Variants in NLRP1 observed in about 807,000 individuals in gnomAD.
NLRP1 encodes the protein NLR family pyrin domain containing 1.
A neutral mutation model predicts 136.7 loss-of-function variants in NLRP1; 94 were observed. The ratio of observed to expected loss-of-function variants is 0.69; its 90% CI spans 0.58 to 0.82. The LOEUF (loss-of-function observed/expected upper bound fraction) is 0.82, where lower values mean the gene tolerates loss of function less well. Among genes scored for constraint, NLRP1 ranks in the 40% least tolerant of loss-of-function variants. The pLI, the probability that NLRP1 is intolerant of heterozygous loss-of-function variation, is 0.00. For missense variants in NLRP1, 1,575 were observed against 1,802.7 expected, an observed-to-expected ratio of 0.87 and a Z score of 2.29; for synonymous variants, 690 against 725.1, an observed-to-expected ratio of 0.95 and a Z score of 0.78.
In NLRP1 at chr17:5,558,901, C is replaced by T. The variant is rs1379155100; in HGVS notation, c.1795G>A (p.Ala599Thr). Residue 599 changes from alanine (A) to threonine (T), a missense_variant, in exon 4 of 17, where the codon GCC (alanine) becomes ACC (threonine). Ala to Thr is a moderately conservative substitution (Grantham distance 58, BLOSUM62 0). Coordinates refer to ENST00000572272, the MANE Select transcript of NLRP1 (RefSeq NM_033004.4). ...ATCTTCAAGAAGGTGGAGATGATGG[C>T]CCCATCTAACCCATGCTTCCTGAGG... ...DDLRKHGLDG[A>T]IISTFLKMGI... is the part of the protein sequence containing the mutation. 2 of 1,614,128 alleles carry T rather than the reference C, an allele frequency of 1.2e-6. No homozygotes were observed. Among genetic ancestry groups the T allele is most frequent in the Admixed American group, 1.7e-5 (1 of 60,016 alleles).
chr17:5,507,157 C>T (rs1179030515), intron 15 of NLRP1, among the ~76,000 whole-genome samples: 1 of 151,974 alleles, frequency 6.6e-6, no homozygotes, highest in Non-Finnish European at 1.5e-5. Context: ...TGAAAAAATT[C>T]TGGAGATGGA....
chr17:5,518,837 C>A (rs1908484696), intron 14 of NLRP1, among the ~76,000 whole-genome samples: 2 of 144,320 alleles, frequency 1.4e-5, no homozygotes. Context: ...ACCACAACAG[C>A]ATTTTTTTTT....
chr17:5,561,918 G>A (rs948046452), intron 3 of NLRP1, among the ~76,000 whole-genome samples: 1 of 152,168 alleles, frequency 6.6e-6, no homozygotes, highest in Non-Finnish European at 1.5e-5. Context: ...GCAAACTCCC[G>A]GTTCCCCGAG....
chr17:5,508,114 A>ACACTC (rs1484336103), intron 15 of NLRP1, among the ~76,000 whole-genome samples: 1 of 151,040 alleles, frequency 6.6e-6, no homozygotes, highest in Non-Finnish European at 1.5e-5. Flanking sequence ...AGCCTGGGGG[A>ACACTC]CAGAGCGAGA....
chr17:5,540,699 C>T (rs1911758589), intron 6 of NLRP1, among the ~76,000 whole-genome samples: 1 of 152,174 alleles, frequency 6.6e-6, no homozygotes, highest in Non-Finnish European at 1.5e-5. Context: ...TTACCGACTT[C>T]CTAGCCGACC....
chr17:5,523,059 G>A lies in NLRP1; in HGVS notation c.3521-1273C>T, dbSNP rs75162869. Among the ~76,000 whole-genome samples the A allele has an allele frequency of 6.6e-3, 1,005 of 152,226 alleles. 10 individuals are homozygous for A. The highest frequency in any genetic ancestry group is 0.023 in the African/African-American group (967 of 41,526). On this transcript the variant is annotated intron_variant, in intron 12 of 16. Transcript: ENST00000572272. ...TTGACTAAGTGGTTGTCTCTAACTG[G>A]GACCTCAAGTCTAGAGGGGTGAAAC... is the stretch of plus-strand genomic sequence containing the variant.
intron 3 of NLRP1, 24 bp downstream of exon 3, chr17:5,581,835 G>A (rs199935432): frequency 4.3e-5 from 69 of 1,595,938 alleles, no homozygotes; most frequent in South Asian, 5.5e-5. Flanking sequence ...TCACCACCCC[G>A]CCAGGAGCTC....
intron 8 of NLRP1, 37 bp from the exon 9 acceptor site, chr17:5,534,025 G>A (rs199675677): frequency 3.6e-5 from 50 of 1,406,258 alleles, no homozygotes; most frequent in Non-Finnish European, 4.6e-5. Flanking sequence ...TAAGATCTTG[G>A]AGGAAGCGAG....
chr17:5,508,780 T>C (rs938977956), intron 15 of NLRP1, among the ~76,000 whole-genome samples: 1 of 152,152 alleles, frequency 6.6e-6, no homozygotes, highest in Admixed American at 6.5e-5. Context: ...TGTACTAGGA[T>C]GATAACAAGA....
chr17:5,506,505 A>C (rs1907342275), intron 15 of NLRP1, among the ~76,000 whole-genome samples: 1 of 152,180 alleles, frequency 6.6e-6, no homozygotes, highest in Non-Finnish European at 1.5e-5. Flanking sequence ...ACAATAGCCG[A>C]AAGGTGGAAG....
chr17:5,525,951 T>C (rs544241118), intron 12 of NLRP1, among the ~76,000 whole-genome samples: 9 of 151,304 alleles, frequency 5.9e-5, no homozygotes, highest in South Asian at 2.1e-4. Context: ...TTGGTAACTC[T>C]TGGGGTCTGG....
At chr17:5,569,551 T>C (rs1449822046) in intron 3 of NLRP1, among the ~76,000 whole-genome samples, 8 of 151,884 alleles carry the variant, frequency 5.3e-5, no homozygotes, top group African/African-American at 1.7e-4. Flanking sequence ...TAATAAAGGG[T>C]TCAATTCAAC....
chr17:5,563,830 C>T (rs189839712), intron 3 of NLRP1, among the ~76,000 whole-genome samples: 44 of 152,212 alleles, frequency 2.9e-4, no homozygotes, highest in African/African-American at 9.9e-4. Flanking sequence ...TCTCAGATTC[C>T]CCAAGTCCTC....
At chr17:5,538,136 G>A (rs1461922592) in intron 7 of NLRP1, among the ~76,000 whole-genome samples, 1 of 152,218 alleles carries the variant, frequency 6.6e-6, no homozygotes, top group South Asian at 2.1e-4. Context: ...GGGGTTTGGA[G>A]CCCCTGTCTG....
intron 3 of NLRP1, among the ~76,000 whole-genome samples, chr17:5,571,076 C>T (rs370135578): frequency 6.6e-6 from 1 of 152,248 alleles, no homozygotes; most frequent in African/African-American, 2.4e-5. Flanking sequence ...AATGTTAAAA[C>T]TCTCAACAAA....
Position 5,537,083 on chromosome 17 carries a change from G to T in NLRP1, c.2871-143C>A. 1 of 624,150 alleles carries T rather than the reference G, an allele frequency of 1.6e-6. No individual in the cohort carries two copies. The highest frequency in any genetic ancestry group is 1.8e-5 in the South Asian group (1 of 56,264). The allele number at this position is 624,150 out of a possible 1,614,324, so 38.7% of individuals were successfully genotyped here. On this transcript the variant is annotated intron_variant, in intron 7 of 16. Coordinates refer to ENST00000572272, the MANE Select transcript of NLRP1 (RefSeq NM_033004.4). The surrounding 1 kb of genome is among the most constrained non-coding windows in gnomAD (Gnocchi z 4.5). ...CTGGAAGCCAGGCTCTGAGGAGGAG[G>T]GTACAGTGAGGAGATTCATTAGGGT... is the stretch of plus-strand genomic sequence containing the variant.
At chr17:5,544,559 G>C (rs1365289771) in intron 5 of NLRP1, among the ~76,000 whole-genome samples, 1 of 152,198 alleles carries the variant, frequency 6.6e-6, no homozygotes, top group Non-Finnish European at 1.5e-5. Flanking sequence ...AGGCCTCCGA[G>C]CACCTTTGAG....
At chr17:5,515,422 G>A (rs771551121) in intron 16 of NLRP1, 51 bp downstream of exon 16, 1 of 1,447,626 alleles carries the variant, frequency 6.9e-7, no homozygotes, top group Admixed American at 1.7e-5. Context: ...GAACCAGACA[G>A]TACCCCAGAA....
chr17:5,533,480 CAGA>C, intron 9 of NLRP1, 96 bp from the exon 10 acceptor site: 1 of 664,524 alleles, frequency 1.5e-6, no homozygotes, highest in South Asian at 1.6e-5. Flanking sequence ...TGTTTGAGCT[CAGA>C]AGGTTTAGGC....
Sources: allele counts gnomAD v4.1 joint callset (sites outside exome capture counted in the v4.1 genomes callset), GRCh38; gene constraint gnomAD v4.1.1; non-coding constraint Gnocchi (gnomAD v3.1); transcripts MANE v1.5; gene names NCBI Gene and HGNC (gene_info 2026-07-23, HGNC 2026-07-21).